Variants in PRDM15 observed in about 807,000 individuals in gnomAD.
The protein encoded by PRDM15 is PR/SET domain 15.
Under a neutral mutation model 128.6 loss-of-function variants are expected in PRDM15, and 64 were observed. The ratio of observed to expected loss-of-function variants is 0.50; its 90% CI spans 0.41 to 0.61. The LOEUF (loss-of-function observed/expected upper bound fraction) is 0.61. Among genes scored for constraint, PRDM15 ranks in the 20% least tolerant of loss-of-function variants. The probability of loss-of-function intolerance (pLI) is 0.00; values close to 1 mark genes in which losing one functional copy is unlikely to be tolerated. For synonymous variants in PRDM15, 615 were observed against 621.8 expected, an observed-to-expected ratio of 0.99 and a Z score of 0.16; for missense variants, 1,242 against 1,569.1, an observed-to-expected ratio of 0.79 and a Z score of 3.52.
chr21:41,833,040 A>G (rs919090014), intron 11 of PRDM15, among the ~76,000 whole-genome samples: 2 of 152,176 alleles, frequency 1.3e-5, no homozygotes, highest in Non-Finnish European at 2.9e-5. Flanking sequence ...TGAGCCACTG[A>G]GAACAGCTGC....
At chr21:41,815,668 A>AGC (rs1349949799) in intron 19 of PRDM15, 37 bp downstream of exon 19, 1 of 1,608,056 alleles carries the variant, frequency 6.2e-7, no homozygotes, top group Non-Finnish European at 8.5e-7. Flanking sequence ...CTACACAGTG[A>AGC]GCGCCGTGGC....
rs1240815934 is a variant in PRDM15, at chr21:41,823,387, G to A, written c.1692C>T (p.Thr564=). The A allele has an allele frequency of 6.3e-7, 1 of 1,582,258 alleles. No individual in the cohort carries two copies. Among genetic ancestry groups the A allele is most frequent in the African/African-American group, 1.3e-5 (1 of 74,120 alleles). ...AGAACTTGCGCCCGCAGATCTCGCA[G>A]GTGTACTTCTTGTCGCCGTGGGTGA... ...HLLTHGDKKY[T]CEICGRKFFR... The change falls in exon 14 of 24, where the codon ACC becomes ACT. Residue 564 remains threonine (T), a synonymous_variant. Coordinates refer to ENST00000398548, the MANE Select transcript of PRDM15 (RefSeq NM_001040424.3).
At chr21:41,801,920 T>A (rs1043609863) in intron 23 of PRDM15, among the ~76,000 whole-genome samples, 198 bp from the exon 24 acceptor site, 42 of 151,774 alleles carry the variant, frequency 2.8e-4, no homozygotes, top group African/African-American at 9.7e-4. Context: ...ATGAAAGCAA[T>A]GAGAAGGAAC....
chr21:41,814,791 T>A (rs1378771377), intron 19 of PRDM15: 1 of 149,202 alleles, frequency 6.7e-6, no homozygotes, highest in African/African-American at 2.5e-5. Context: ...CTCATGTTAG[T>A]GATTGCGCAG....
At position 41,879,035 on chromosome 21, in the gene PRDM15, T is replaced by G. The variant is rs1194695608; in HGVS notation, c.-10+235A>C. ...GCGCGCAGGGCGATCCCGGAGCGGC[T>G]CCGGGAAATCCAGCCGGGTTTTGAC... On this transcript the variant is annotated intron_variant, in intron 1 of 23. Transcript: ENST00000398548. The surrounding 1 kb of genome is among the most constrained non-coding windows in gnomAD (Gnocchi z 5.1). The G allele has an allele frequency of 9.0e-7, 1 of 1,110,116 alleles. No individual in the cohort carries two copies. Among genetic ancestry groups the G allele is most frequent in the African/African-American group, 1.8e-5 (1 of 56,812 alleles). The allele number at this position is 1,110,116 out of a possible 1,614,324, so 68.8% of individuals were successfully genotyped here.
chr21:41,806,015 CCATCACCACCACCACCAT>C (rs1568879713), intron 21 of PRDM15, among the ~76,000 whole-genome samples: 3 of 47,288 alleles, frequency 6.3e-5, no homozygotes, highest in Admixed American at 2.0e-4. Context: ...ATCACCACCA[CCATCACCACCACCACCAT>C]CACCACCACC....
chr21:41,847,090 C>T lies in PRDM15; in HGVS notation c.640G>A (p.Glu214Lys). Residue 214 changes from glutamate to lysine, a missense_variant and splice_region_variant, in exon 6 of 24, where the codon GAA becomes AAA. Coordinates refer to ENST00000398548, the MANE Select transcript of PRDM15 (RefSeq NM_001040424.3). ...ATFLELQLLNEHLLGHLEQAK... is the reference protein window; with the variant it reads ...ATFLELQLLNKHLLGHLEQAK... ...GGGGCTCCCCACACGTCCTCCTTAC[C>T]ATTGAGGAGCTGCAGCTCCAGGAAG... The T allele has an allele frequency of 1.3e-6, 2 of 1,541,482 alleles. No individual in the cohort carries two copies. Among genetic ancestry groups the T allele is most frequent in the Non-Finnish European group, 1.8e-6 (2 of 1,137,586 alleles).
rs2146476958 is a variant in PRDM15 at position 41,828,546 on chromosome 21, A to T, written c.1367-213T>A. Among the ~76,000 whole-genome samples, 1 of 151,986 alleles carries T rather than the reference A, an allele frequency of 6.6e-6. No homozygotes were observed. ...ACGGGAACCCCGGTGCTTGAAAAGC[A>T]GACACGGAGCTCACCTTTCATCACC... On this transcript the variant is annotated intron_variant, in intron 11 of 23. Transcript: ENST00000398548. The surrounding 1 kb of genome is among the most constrained non-coding windows in gnomAD (Gnocchi z 5.7).
intron 21 of PRDM15, among the ~76,000 whole-genome samples, chr21:41,806,706 T>A (rs1384346460): frequency 7.8e-5 from 3 of 38,594 alleles, no homozygotes; most frequent in South Asian, 1.1e-3. Flanking sequence ...CACCCATCAC[T>A]ACCACCAACA....
At position 41,819,688 on chromosome 21, in the gene PRDM15, G is replaced by A. The variant is rs148946371; in HGVS notation, c.2154C>T (p.His718=). Residue 718 remains histidine (H), a synonymous_variant, in exon 18 of 24, where the codon CAC becomes CAT. Coordinates refer to ENST00000398548, the MANE Select transcript of PRDM15 (RefSeq NM_001040424.3). ...HKLIHTGVKS[H]ACEQCGKSFA... is the part of the protein sequence containing the mutation. ...AGGACTTCCCACACTGCTCGCAGGC[G>A]TGGCTCTTCACACCTGAGAACACAG... 5.9e-4 allele frequency: 952 copies of A among 1,603,262 alleles called. 1 individual carries two copies. Among genetic ancestry groups the A allele is most frequent in the Non-Finnish European group, 7.5e-4 (882 of 1,177,568 alleles).
intron 1 of PRDM15, among the ~76,000 whole-genome samples, chr21:41,868,431 A>G (rs888749050): frequency 3.3e-5 from 5 of 152,016 alleles, no homozygotes; most frequent in African/African-American, 1.2e-4. Flanking sequence ...GAGAGGCTGC[A>G]GCACTTTGCA....
At chr21:41,831,408 C>T (rs888727762) in intron 11 of PRDM15, among the ~76,000 whole-genome samples, 3 of 152,238 alleles carry the variant, frequency 2.0e-5, no homozygotes, top group Non-Finnish European at 2.9e-5. Context: ...CAGACATTGC[C>T]GACAGCGTCC....
chr21:41,800,811 T>C lies in PRDM15; in HGVS notation c.*429A>G, dbSNP rs2061397320. 6.2e-6 allele frequency: 1 copy of C among 161,072 alleles called. No individual in the cohort carries two copies. Among genetic ancestry groups the C allele is most frequent in the African/African-American group, 2.4e-5 (1 of 41,802 alleles). 10.0% of individuals were successfully genotyped at this position (161,072 alleles called of 1,614,324 possible). ...TGCCTGCTGCCACCTGTGAATACTG[T>C]CTGTGTTCTCATAGGAACCGAGCTC... On this transcript the variant is annotated 3_prime_UTR_variant, in exon 24 of 24. Transcript: ENST00000398548.
chr21:41,873,427 C>T (rs1006772138), intron 1 of PRDM15, among the ~76,000 whole-genome samples: 2 of 152,208 alleles, frequency 1.3e-5, no homozygotes, highest in Non-Finnish European at 2.9e-5. Flanking sequence ...CTCCATGGTC[C>T]GTCAGCTTCC....
chr21:41,858,086 C>T (rs1490102151), intron 3 of PRDM15, among the ~76,000 whole-genome samples: 1 of 152,190 alleles, frequency 6.6e-6, no homozygotes, highest in Non-Finnish European at 1.5e-5. Context: ...TGCTGAGGAG[C>T]CATATGAAGA....
chr21:41,824,659 C>T (rs758566980), intron 13 of PRDM15, among the ~76,000 whole-genome samples: 19 of 152,326 alleles, frequency 1.2e-4, no homozygotes, highest in Non-Finnish European at 2.6e-4. Context: ...TCGCCCACCT[C>T]TGCCCTGTGC....
rs2062949321 is a variant in PRDM15 at position 41,837,935 on chromosome 21, T to C, written c.1000A>G (p.Lys334Glu). 4 of 1,614,160 alleles carry C rather than the reference T, an allele frequency of 2.5e-6. No individual in the cohort carries two copies. Among genetic ancestry groups the C allele is most frequent in the Non-Finnish European group, 3.4e-6 (4 of 1,180,012 alleles). ...CCCCAGGTGCCAGGCAGGACTTACT[T>C]TGGAACCGAGCTGGTGTCAGTGGTG... ...TTTTDTSSVP[K>E]FTHHQNNTIT... The change falls in exon 8 of 24, where the codon AAG becomes GAG. Residue 334 changes from lysine to glutamate, a missense_variant and splice_region_variant. Physicochemically the swap from Lys to Glu is moderately conservative, Grantham distance 56. This residue lies in a region of PRDM15 where 612 missense variants were observed against 717.0 expected (regional missense o/e 0.85). Coordinates refer to ENST00000398548, the MANE Select transcript of PRDM15 (RefSeq NM_001040424.3).
Position 41,859,517 on chromosome 21 carries a change from T to C in PRDM15, c.131+75A>G. ...TCCCTCAGGCTCCTTCCTCCCCGTC[T>C]GCAGACCCAAAGGCCACTAGGCTCC... is the stretch of plus-strand genomic sequence containing the variant. On this transcript the variant is annotated intron_variant, in intron 3 of 23. Coordinates refer to ENST00000398548, the MANE Select transcript of PRDM15 (RefSeq NM_001040424.3). This position sits in a 1 kb window ranked among gnomAD's most constrained non-coding sequence, Gnocchi z 5.3. The C allele has an allele frequency of 8.2e-7, 1 of 1,221,016 alleles. No individual in the cohort carries two copies. The highest frequency in any genetic ancestry group is 1.2e-6 in the Non-Finnish European group (1 of 847,458). The allele number at this position is 1,221,016 out of a possible 1,614,324, so 75.6% of individuals were successfully genotyped here.
At chr21:41,807,523 G>A (rs1244429908) in intron 21 of PRDM15, among the ~76,000 whole-genome samples, 1 of 152,106 alleles carries the variant, frequency 6.6e-6, no homozygotes, top group Non-Finnish European at 1.5e-5. Context: ...GCTGACCCGA[G>A]TCCCCTTCCT....
Sources: allele counts gnomAD v4.1 joint callset (sites outside exome capture counted in the v4.1 genomes callset), GRCh38; gene constraint gnomAD v4.1.1; regional missense constraint gnomAD v4.1.1; non-coding constraint Gnocchi (gnomAD v3.1); transcripts MANE v1.5; gene names NCBI Gene and HGNC (gene_info 2026-07-23, HGNC 2026-07-21).